The following C11orf65 variants were observed in gnomAD, a reference collection of about 807,000 sequenced individuals.
C11orf65 encodes the protein protein MFI.
C11orf65 carries 38 observed loss-of-function variants against 35.3 expected under a neutral mutation model. The observed-to-expected ratio is 1.08, with a 90% confidence interval of 0.83 to 1.41. The LOEUF is 1.41. Among genes scored for constraint, C11orf65 ranks in the 40% most tolerant of loss-of-function variants. C11orf65 has a pLI of 0.00. For missense variants in C11orf65, 370 were observed against 367.1 expected (o/e 1.01, Z -0.06); for synonymous variants, 105 against 114.4 (o/e 0.92, Z 0.53).
In C11orf65 at chr11:108,331,664, T is replaced by G. The variant is rs573822629; in HGVS notation, c.300-97A>C. 7.7e-4 allele frequency: 1,073 copies of G among 1,387,072 alleles called. 2 individuals carry two copies. The highest frequency in any genetic ancestry group is 1.9e-3 in the South Asian group (130 of 69,298). The allele number at this position is 1,387,072 out of a possible 1,614,324, so 85.9% of individuals were successfully genotyped here. A position where few individuals can be genotyped will look rare whatever the true frequency, so the allele number is the denominator to read the frequency against. Reference sequence around the variant, plus strand: ...CCCTCTAAGAAATGGAAATACAAAATTTTGTATTTTTTGTCTTCTCACATC... The same window carrying G: ...CCCTCTAAGAAATGGAAATACAAAAGTTTGTATTTTTTGTCTTCTCACATC... On this transcript the variant is annotated intron_variant, in intron 3 of 3. Coordinates refer to the C11orf65 transcript ENST00000524755.
intron 2 of C11orf65, among the ~76,000 whole-genome samples, chr11:108,360,565 G>A (rs1299384580): frequency 7.1e-6 from 1 of 141,442 alleles, no homozygotes; most frequent in Non-Finnish European, 1.5e-5. Flanking sequence ...CTGGCAAAAC[G>A]AATCCAGCAG....
intron 6 of C11orf65, chr11:108,315,726 G>T: frequency 1.2e-6 from 1 of 816,616 alleles, no homozygotes; most frequent in Non-Finnish European, 2.1e-6. Context: ...ATTTAGAGTT[G>T]GGAGTTACAT....
downstream of C11orf65, among the ~76,000 whole-genome samples, chr11:108,380,521 A>T (rs1437894504): frequency 6.6e-6 from 1 of 152,222 alleles, no homozygotes; most frequent in Non-Finnish European, 1.5e-5. Flanking sequence ...TTAAACAACC[A>T]GATGTATAAG....
intron 2 of C11orf65, among the ~76,000 whole-genome samples, chr11:108,339,583 G>T (rs1302496875): frequency 2.6e-5 from 4 of 151,986 alleles, no homozygotes; most frequent in Non-Finnish European, 5.9e-5. Context: ...AGAGTCTTTA[G>T]TACCAGAGAA....
At chr11:108,332,133 T>A in intron 3 of C11orf65, 2 of 1,492,818 alleles carry the variant, frequency 1.3e-6, no homozygotes. Context: ...AGATGCCATC[T>A]AAAATCGGTT....
intron 3 of C11orf65, among the ~76,000 whole-genome samples, chr11:108,427,095 AACCTAGGCAATACCATTCAGG>A (rs1327695964): frequency 6.6e-6 from 1 of 152,190 alleles, no homozygotes; most frequent in Non-Finnish European, 1.5e-5. Context: ...CCTAGAAGAA[AACCTAGGCAATACCATTCAGG>A]ACCTAGGCAT....
At chr11:108,460,643 G>A (rs981349019) in intron 2 of C11orf65, among the ~76,000 whole-genome samples, 13 of 152,144 alleles carry the variant, frequency 8.5e-5, no homozygotes, top group Non-Finnish European at 1.9e-4. Context: ...TTATAAAAGT[G>A]CCTGGCCCAG....
intron 2 of C11orf65, among the ~76,000 whole-genome samples, chr11:108,341,872 T>C (rs2087620500): frequency 1.3e-5 from 2 of 152,138 alleles, no homozygotes; most frequent in African/African-American, 4.8e-5. Context: ...TACTGGTGGG[T>C]ATATAAATCG....
chr11:108,425,638 C>T lies in C11orf65; in HGVS notation c.174+6108G>A, dbSNP rs140925891. On this transcript the variant is annotated intron_variant, in intron 3 of 8. Transcript: ENST00000393084. The stretch of plus-strand genomic sequence containing the variant: ...TAGAAAAAGAGGGGCTACTCCCTAA[C>T]TCATTTTATGAGGCCAGCATCATCC... Among the ~76,000 whole-genome samples, 1,148 of 152,322 alleles carry T rather than the reference C, an allele frequency of 7.5e-3. 9 individuals are homozygous for T. The highest frequency in any genetic ancestry group is 0.025 in the African/African-American group (1,019 of 41,572).
chr11:108,384,459 C>A (rs915831230), intron 8 of C11orf65, among the ~76,000 whole-genome samples: 1 of 152,118 alleles, frequency 6.6e-6, no homozygotes, highest in Non-Finnish European at 1.5e-5. Flanking sequence ...AGAAACCGAG[C>A]TAGTAACTTG....
At chr11:108,458,234 T>C (rs2093430210) in intron 2 of C11orf65, among the ~76,000 whole-genome samples, 3 of 151,398 alleles carry the variant, frequency 2.0e-5, no homozygotes, top group South Asian at 2.1e-4. Flanking sequence ...ACCTTGGGTG[T>C]GGTGGCACGT....
chr11:108,432,429 TG>T (rs1449499235), intron 2 of C11orf65, among the ~76,000 whole-genome samples: 1 of 152,224 alleles, frequency 6.6e-6, no homozygotes, highest in Non-Finnish European at 1.5e-5. Context: ...GTAATCCCAC[TG>T]ATGTATTACA....
At chr11:108,459,881 G>A (rs959396140) in intron 2 of C11orf65, among the ~76,000 whole-genome samples, 1 of 152,142 alleles carries the variant, frequency 6.6e-6, no homozygotes, top group African/African-American at 2.4e-5. Context: ...TGTGTGGCTG[G>A]TTGGATGTGA....
At chr11:108,388,372 C>T (rs553078048) in intron 7 of C11orf65, among the ~76,000 whole-genome samples, 2 of 152,170 alleles carry the variant, frequency 1.3e-5, no homozygotes, top group Non-Finnish European at 2.9e-5. Context: ...CACTACCATG[C>T]TGTTTATATC....
intron 2 of C11orf65, chr11:108,343,410 T>C (rs1555135972): frequency 6.2e-7 from 1 of 1,610,050 alleles, no homozygotes; most frequent in Non-Finnish European, 8.5e-7. Flanking sequence ...TGTAAGATTA[T>C]TTAATGGCTT....
intron 2 of C11orf65, among the ~76,000 whole-genome samples, chr11:108,454,063 G>C (rs1437291843): frequency 6.6e-6 from 1 of 152,112 alleles, no homozygotes; most frequent in African/African-American, 2.4e-5. Flanking sequence ...TTTCTTTGAC[G>C]GGAGGTTTTT....
rs768303125 is a variant in C11orf65 at position 108,393,165 on chromosome 11, T to C, written c.731+43A>G. ...AATAGGAAATGTTAGAAAAAAACTA[T>C]GATGACTGCCCTTGTTCCCCAAGAA... On this transcript the variant is annotated intron_variant, in intron 7 of 8. Transcript: ENST00000393084. 32 of 1,543,244 alleles carry C rather than the reference T, an allele frequency of 2.1e-5. No individual in the cohort carries two copies. In the Middle Eastern group the frequency reaches 5.2e-4, roughly 25 times the overall value.
At chr11:108,385,862 T>C (rs545740632) in intron 8 of C11orf65, 58 bp downstream of exon 8, 1 of 1,343,088 alleles carries the variant, frequency 7.4e-7, no homozygotes, top group Middle Eastern at 1.8e-4. Flanking sequence ...AATACGTGTG[T>C]GGAATGTATT....
chr11:108,373,130 C>T (rs374928385), intron 2 of C11orf65, among the ~76,000 whole-genome samples: 2 of 151,880 alleles, frequency 1.3e-5, no homozygotes, highest in East Asian at 1.9e-4. Flanking sequence ...CCTCCATGAA[C>T]ATTGATGTAA....
Sources: gnomAD v4.1 joint callset for allele counts (sites outside exome capture counted in the v4.1 genomes callset) on GRCh38, gnomAD v4.1.1 for gene constraint, MANE v1.5 for transcripts, NCBI Gene and HGNC (gene_info 2026-07-23, HGNC 2026-07-21) for gene names.